BMPR1A: variants seen among roughly 807,000 people sequenced by gnomAD.
BMPR1A encodes bone morphogenetic protein receptor type-1A.
Under a neutral mutation model 66.0 loss-of-function variants are expected in BMPR1A, and 7 were observed. The ratio of observed to expected loss-of-function variants is 0.11; its 90% CI spans 0.06 to 0.20. BMPR1A has a LOEUF of 0.20. Ranked by LOEUF, BMPR1A falls within the 10% of genes least tolerant of loss-of-function variation. The probability of loss-of-function intolerance (pLI) is 1.00; values close to 1 mark genes in which losing one functional copy is unlikely to be tolerated. For missense variants in BMPR1A, 408 were observed against 669.1 expected (o/e 0.61, Z 4.31); for synonymous variants, 200 against 229.7 (o/e 0.87, Z 1.17).
intron 3 of BMPR1A, among the ~76,000 whole-genome samples, chr10:86,881,106 G>A: frequency 6.6e-6 from 1 of 152,024 alleles, no homozygotes; most frequent in Non-Finnish European, 1.5e-5. Context: ...TTAATTAGCT[G>A]AGTGTGGTGA....
At chr10:86,807,798 A>C (rs1841912340) in intron 1 of BMPR1A, among the ~76,000 whole-genome samples, 1 of 146,724 alleles carries the variant, frequency 6.8e-6, no homozygotes, top group Non-Finnish European at 1.5e-5. Flanking sequence ...ACGGAGTTGC[A>C]CTCTGTTGCC....
At chr10:86,767,895 A>C (rs985221493) in intron 1 of BMPR1A, among the ~76,000 whole-genome samples, 6 of 152,184 alleles carry the variant, frequency 3.9e-5, no homozygotes, top group African/African-American at 1.4e-4. Context: ...AGACATTGTT[A>C]TAAACTATCC....
intron 7 of BMPR1A, among the ~76,000 whole-genome samples, chr10:86,908,540 A>G (rs1231752685): frequency 6.6e-6 from 1 of 152,056 alleles, no homozygotes; most frequent in East Asian, 1.9e-4. Flanking sequence ...GCTGCTGTTC[A>G]TTTGCTTCGA....
chr10:86,757,025 C>G (rs1485221923), intron 1 of BMPR1A, 106 bp downstream of exon 1: 3 of 150,808 alleles, frequency 2.0e-5, no homozygotes, highest in Admixed American at 2.0e-4. Context: ...TGGCCGGAGC[C>G]AGGGGCTGCC....
intron 2 of BMPR1A, among the ~76,000 whole-genome samples, chr10:86,853,865 A>T (rs1052885720): frequency 2.6e-5 from 4 of 152,174 alleles, no homozygotes; most frequent in African/African-American, 4.8e-5. Flanking sequence ...GACGGGGCGA[A>T]ATTAAAATTG....
At chr10:86,894,026 T>C (rs1843192798) in intron 5 of BMPR1A, among the ~76,000 whole-genome samples, 1 of 152,244 alleles carries the variant, frequency 6.6e-6, no homozygotes, top group African/African-American at 2.4e-5. Context: ...TTGTCCATAA[T>C]GACCTCAACT....
At chr10:86,891,023 G>A (rs1407694329) in intron 4 of BMPR1A, among the ~76,000 whole-genome samples, 1 of 152,102 alleles carries the variant, frequency 6.6e-6, no homozygotes, top group Non-Finnish European at 1.5e-5. Context: ...TTGTTATAGA[G>A]GCAATAATGA....
At chr10:86,826,344 G>T (rs2085392738) in intron 1 of BMPR1A, among the ~76,000 whole-genome samples, 1 of 150,670 alleles carries the variant, frequency 6.6e-6, no homozygotes, top group African/African-American at 2.4e-5. Context: ...GAAACCAAGG[G>T]AAAAAATATA....
intron 1 of BMPR1A, among the ~76,000 whole-genome samples, chr10:86,807,148 A>G (rs1454124930): frequency 1.3e-5 from 2 of 152,122 alleles, no homozygotes; most frequent in African/African-American, 4.8e-5. Flanking sequence ...CATTGGTTCT[A>G]GCCACTTTCA....
In BMPR1A at chr10:86,900,442, G is replaced by A. The variant is rs749673; in HGVS notation, c.530+316G>A. 0.27 allele frequency among the ~76,000 whole-genome samples: 39,364 copies of A among 146,640 alleles called. 5,845 individuals are homozygous for A. Among genetic ancestry groups the A allele is most frequent in the East Asian group, 0.7 (3,584 of 5,104 alleles). On this transcript the variant is annotated intron_variant, in intron 7 of 12. Transcript: ENST00000372037. ...TTATAATTCTTTTTTTTTTTTTTGC[G>A]TTATAATTCTTTAGAAATTTGGAGC...
intron 1 of BMPR1A, among the ~76,000 whole-genome samples, chr10:86,819,683 A>G (rs1304254197): frequency 2.0e-5 from 3 of 152,196 alleles, no homozygotes; most frequent in Non-Finnish European, 4.4e-5. Context: ...TTGCCTATGC[A>G]TCTCATCTAA....
At chr10:86,770,105 A>T (rs751587475) in intron 1 of BMPR1A, among the ~76,000 whole-genome samples, 4 of 152,212 alleles carry the variant, frequency 2.6e-5, no homozygotes, top group Non-Finnish European at 4.4e-5. Context: ...AGCCTGGGCA[A>T]CATGGCGAAA....
At position 86,855,537 on chromosome 10, in the gene BMPR1A, T is replaced by C. The variant is rs1043833043; in HGVS notation, c.-153+16558T>C. ...ACTATTTTTTGAAATAGTATTTCTA[T>C]TTTTTGAAAATAGTATTTCTATTTT... On this transcript the variant is annotated intron_variant, in intron 2 of 12. Transcript: ENST00000372037. 79 of 442,230 alleles carry C rather than the reference T, an allele frequency of 1.8e-4. 1 individual carries two copies. The highest frequency in any genetic ancestry group is 1.3e-3 in the African/African-American group (64 of 49,586). 27.4% of individuals were successfully genotyped at this position (442,230 alleles called of 1,614,324 possible). A position where few individuals can be genotyped will look rare whatever the true frequency, so the allele number is the denominator to read the frequency against.
At chr10:86,920,058 T>C (rs1336504282) in intron 10 of BMPR1A, among the ~76,000 whole-genome samples, 3 of 152,204 alleles carry the variant, frequency 2.0e-5, no homozygotes, top group South Asian at 2.1e-4. Context: ...GAGTTTTCCA[T>C]ATGTGGAGGT....
intron 1 of BMPR1A, among the ~76,000 whole-genome samples, chr10:86,812,364 G>A (rs1215921981): frequency 6.6e-6 from 1 of 152,100 alleles, no homozygotes; most frequent in Non-Finnish European, 1.5e-5. Context: ...CCCTTTCTGT[G>A]GTTGATTATC....
Position 86,868,778 on chromosome 10 carries a change from G to GTT in BMPR1A, c.-152-7077_-152-7076dup, listed in dbSNP as rs55872033. On this transcript the variant is annotated intron_variant, in intron 2 of 12. Coordinates refer to ENST00000372037, the MANE Select transcript of BMPR1A (RefSeq NM_004329.3). ...TCAACTGACTTCAGCCTTTTCCTGT[G>GTT]TTTTTTTTTTTTTAAGTTCCAATTG... Among the ~76,000 whole-genome samples the GTT allele has an allele frequency of 2.0e-3, 279 of 141,048 alleles. 1 individual carries two copies. Among genetic ancestry groups the GTT allele is most frequent in the East Asian group, 0.011 (56 of 5,032 alleles). 92.5% of individuals were successfully genotyped at this position (141,048 alleles called of 152,430 possible).
At chr10:86,824,642 A>G (rs1464633651) in intron 1 of BMPR1A, among the ~76,000 whole-genome samples, 1 of 152,218 alleles carries the variant, frequency 6.6e-6, no homozygotes, top group African/African-American at 2.4e-5. Context: ...GGTGCTCTTA[A>G]TTGAAAATAA....
chr10:86,766,765 C>G (rs926492777), intron 1 of BMPR1A, among the ~76,000 whole-genome samples: 4 of 151,948 alleles, frequency 2.6e-5, no homozygotes, highest in Non-Finnish European at 5.9e-5. Flanking sequence ...GCCATCACAC[C>G]TGGCTAATTT....
At chr10:86,775,903 A>G (rs751878222) in intron 1 of BMPR1A, among the ~76,000 whole-genome samples, 1 of 152,072 alleles carries the variant, frequency 6.6e-6, no homozygotes, top group Non-Finnish European at 1.5e-5. Flanking sequence ...TTTTCACCTA[A>G]CATTTTCTCT....
Sources: allele counts gnomAD v4.1 joint callset (sites outside exome capture counted in the v4.1 genomes callset), GRCh38; gene constraint gnomAD v4.1.1; transcripts MANE v1.5; gene names NCBI Gene and HGNC (gene_info 2026-07-23, HGNC 2026-07-21).